CHEK2: variants seen among roughly 807,000 people sequenced by gnomAD.
CHEK2 encodes checkpoint kinase 2.
In CHEK2, 71 loss-of-function variants were observed where a neutral mutation model predicts 69.1. The ratio of observed to expected loss-of-function variants is 1.03; its 90% CI spans 0.85 to 1.25. The LOEUF (loss-of-function observed/expected upper bound fraction) is 1.25. Among genes scored for constraint, CHEK2 ranks in the 50% most tolerant of loss-of-function variants. The probability of loss-of-function intolerance (pLI) is 0.00; values close to 1 mark genes in which losing one functional copy is unlikely to be tolerated. For missense variants in CHEK2, 664 were observed against 649.6 expected (o/e 1.02, Z -0.24); for synonymous variants, 189 against 226.9 (o/e 0.83, Z 1.50).
chr22:28,690,952 TG>T (rs61611714), intron 13 of CHEK2, among the ~76,000 whole-genome samples: 19,408 of 151,390 alleles, frequency 0.13, 807 homozygotes, highest in African/African-American at 0.18. Flanking sequence ...CCCAGCACTT[TG>T]GGAGGCCAAG....
rs529909338 is a variant in CHEK2 at position 28,734,259 on chromosome 22, T to C, written c.319+144A>G. On this transcript the variant is annotated intron_variant, in intron 2 of 14. Transcript: ENST00000404276. ...CACTTCAATAAATCTATGCTTTCAT[T>C]GCTTGTTCATGCATGATGTTCAATT... 4.0e-6 allele frequency: 3 copies of C among 746,280 alleles called. No homozygotes were observed. In the Admixed American group the frequency reaches 7.1e-5, roughly 18 times the overall value. The allele number at this position is 746,280 out of a possible 1,614,324, so 46.2% of individuals were successfully genotyped here.
chr22:28,736,460 G>A (rs989427750), intron 1 of CHEK2, among the ~76,000 whole-genome samples: 1 of 152,166 alleles, frequency 6.6e-6, no homozygotes, highest in Non-Finnish European at 1.5e-5. Flanking sequence ...AGAACACAAA[G>A]GAAGACAGCT....
intron 9 of CHEK2, among the ~76,000 whole-genome samples, chr22:28,697,912 A>G (rs1034187606): frequency 6.6e-6 from 1 of 151,770 alleles, no homozygotes; most frequent in Non-Finnish European, 1.5e-5. Flanking sequence ...ACATATCCAC[A>G]AACTGTACTC....
chr22:28,740,925 G>A (rs2146195301), intron 1 of CHEK2, among the ~76,000 whole-genome samples: 1 of 152,208 alleles, frequency 6.6e-6, no homozygotes. Context: ...GGAGGCCAAG[G>A]CAGGTGGATC....
intron 5 of CHEK2, among the ~76,000 whole-genome samples, chr22:28,719,067 A>T (rs1038307891): frequency 6.6e-6 from 1 of 152,082 alleles, no homozygotes; most frequent in Middle Eastern, 3.2e-3. Flanking sequence ...ACTCTAAAAA[A>T]CAAAAACACA....
intron 4 of CHEK2, among the ~76,000 whole-genome samples, chr22:28,719,972 C>T (rs1214188326): frequency 1.3e-5 from 2 of 151,958 alleles, no homozygotes; most frequent in South Asian, 2.1e-4. Flanking sequence ...TTTATATATC[C>T]GGTATTAAGT....
Position 28,699,856 on chromosome 22 carries a change from C to A in CHEK2, c.990G>T (p.Gln330His), listed in dbSNP as rs9625537. ...KEATCKLYFY[Q>H]MLLAVQYLHE... Reference sequence around the variant, plus strand: ...CTTTTACCTGCACAGCCAAGAGCATCTGGTAAAAATAGAGCTTGCAGGTAG... The same window carrying A: ...CTTTTACCTGCACAGCCAAGAGCATATGGTAAAAATAGAGCTTGCAGGTAG... Residue 330 changes from glutamine to histidine, a missense_variant, in exon 9 of 15, where the codon CAG (glutamine) becomes CAT (histidine). By Grantham distance (24) the Gln-to-His change is conservative. Transcript: ENST00000404276. 2 of 1,613,692 alleles carry A rather than the reference C, an allele frequency of 1.2e-6. No individual in the cohort carries two copies. The highest frequency in any genetic ancestry group is 4.5e-5 in the East Asian group (2 of 44,880).
intron 4 of CHEK2, chr22:28,721,762 ACT>A: frequency 2.9e-6 from 1 of 339,012 alleles, no homozygotes; most frequent in Admixed American, 3.6e-5. Flanking sequence ...ACACGTTCTT[ACT>A]CTCTTGCCCA....
At chr22:28,731,860 C>T (rs552119768) in intron 2 of CHEK2, among the ~76,000 whole-genome samples, 1 of 152,116 alleles carries the variant, frequency 6.6e-6, no homozygotes, top group Non-Finnish European at 1.5e-5. Flanking sequence ...GGTGATGTAT[C>T]CCATTTAGCC....
intron 8 of CHEK2, among the ~76,000 whole-genome samples, chr22:28,700,866 C>G (rs1173831232): frequency 6.6e-6 from 1 of 151,904 alleles, no homozygotes; most frequent in South Asian, 2.1e-4. Context: ...CTTGGCTCAC[C>G]GCAACCTCCA....
At chr22:28,718,050 C>A (rs1162660608) in intron 5 of CHEK2, among the ~76,000 whole-genome samples, 1 of 152,164 alleles carries the variant, frequency 6.6e-6, no homozygotes, top group African/African-American at 2.4e-5. Context: ...CACTGCACCT[C>A]AGTCTGAGTG....
In CHEK2 at chr22:28,725,048, A is replaced by G. The variant is rs2146059182; in HGVS notation, c.521T>C (p.Leu174Pro). 2 of 1,614,100 alleles carry G rather than the reference A, an allele frequency of 1.2e-6. No homozygotes were observed. Among genetic ancestry groups the G allele is most frequent in the Non-Finnish European group, 1.7e-6 (2 of 1,179,978 alleles). ...SGNGTFVNTE[L>P]VGKGKRRPLN... ...AGGACGGCGTTTTCCTTTCCCTACA[A>G]GCTCTGTATTTACAAAGGTTCCATT... is the stretch of plus-strand genomic sequence containing the variant. The change falls in exon 4 of 15, where the codon CTT becomes CCT. Residue 174 changes from leucine to proline, a missense_variant. By Grantham distance (98) the Leu-to-Pro change is moderately conservative (BLOSUM62 -3). Transcript: ENST00000404276.
At chr22:28,702,108 T>C (rs2052880287) in intron 8 of CHEK2, among the ~76,000 whole-genome samples, 1 of 146,688 alleles carries the variant, frequency 6.8e-6, no homozygotes, top group Non-Finnish European at 1.5e-5. Context: ...CGTGCCACTA[T>C]GCCCGGCTAA....
intron 2 of CHEK2, among the ~76,000 whole-genome samples, chr22:28,727,672 A>G (rs1244137221): frequency 9.9e-5 from 15 of 152,246 alleles, no homozygotes; most frequent in Admixed American, 9.8e-4. Flanking sequence ...AACGCTAAAC[A>G]GTCCAGTAGA....
At chr22:28,731,897 C>A (rs1208453444) in intron 2 of CHEK2, among the ~76,000 whole-genome samples, 3 of 152,124 alleles carry the variant, frequency 2.0e-5, no homozygotes, top group African/African-American at 7.2e-5. Context: ...ATTTCTCACT[C>A]ATCTAAACCT....
Position 28,705,867 on chromosome 22 carries a change from C to G in CHEK2, c.847-2301G>C, listed in dbSNP as rs192331647. Among the ~76,000 whole-genome samples the G allele has an allele frequency of 2.6e-5, 4 of 151,816 alleles. No homozygotes were observed. The East Asian group carries it at 7.9e-4, about 30-fold the overall frequency. Reference sequence around the variant, plus strand: ...CTTGTACCTGGGAATCGCTTGAACCCGGGAGGCAGAGTTTGCAGTGAGCCT... The same window carrying G: ...CTTGTACCTGGGAATCGCTTGAACCGGGGAGGCAGAGTTTGCAGTGAGCCT... On this transcript the variant is annotated intron_variant, in intron 7 of 14. Transcript: ENST00000404276.
At chr22:28,722,580 C>G (rs1001055124) in intron 4 of CHEK2, among the ~76,000 whole-genome samples, 42 of 143,454 alleles carry the variant, frequency 2.9e-4, no homozygotes, top group African/African-American at 9.0e-4. Flanking sequence ...GAAAAGAAAA[C>G]AAAATAGTCA....
intron 5 of CHEK2, among the ~76,000 whole-genome samples, chr22:28,716,574 A>C (rs1264518958): frequency 6.6e-6 from 1 of 152,206 alleles, no homozygotes; most frequent in Non-Finnish European, 1.5e-5. Context: ...CAGTTACTGA[A>C]TTCAGTATCA....
intron 7 of CHEK2, among the ~76,000 whole-genome samples, chr22:28,704,127 C>T (rs1349899716): frequency 1.8e-5 from 1 of 55,004 alleles, no homozygotes; most frequent in Non-Finnish European, 5.8e-5. Context: ...GACAGACACA[C>T]ACACACACAC....
Sources: allele counts gnomAD v4.1 joint callset (sites outside exome capture counted in the v4.1 genomes callset), GRCh38; gene constraint gnomAD v4.1.1; transcripts MANE v1.5; gene names NCBI Gene and HGNC (gene_info 2026-07-23, HGNC 2026-07-21).